Variants in CNTN5 observed in about 807,000 individuals in gnomAD.
CNTN5 encodes the protein contactin-5.
In CNTN5, 77 loss-of-function variants were observed where a neutral mutation model predicts 129.1. The observed-to-expected ratio is 0.60, with a 90% confidence interval of 0.50 to 0.72. The LOEUF (loss-of-function observed/expected upper bound fraction) is 0.72, where lower values mean the gene tolerates loss of function less well. Ranked by LOEUF, CNTN5 falls within the 30% of genes least tolerant of loss-of-function variation. The pLI is 0.00. For missense variants in CNTN5, 1,478 were observed against 1,328.8 expected (o/e 1.11, Z -1.75); for synonymous variants, 509 against 465.6 (o/e 1.09, Z -1.20).
chr11:99,238,785 T>C (rs116384697), intron 1 of CNTN5, among the ~76,000 whole-genome samples: 1 of 152,248 alleles, frequency 6.6e-6, no homozygotes, highest in African/African-American at 2.4e-5. Context: ...CAGATGAACT[T>C]TATGCAATTA....
chr11:99,779,212 A>G (rs1405859991), intron 3 of CNTN5, among the ~76,000 whole-genome samples: 1 of 151,958 alleles, frequency 6.6e-6, no homozygotes, highest in South Asian at 2.1e-4. Flanking sequence ...ATTTTTCTCT[A>G]CAAGTTTGTA....
Position 100,356,267 on chromosome 11 carries a change from C to T in CNTN5, c.*47C>T, listed in dbSNP as rs191897589. The T allele has an allele frequency of 8.7e-6, 11 of 1,264,748 alleles. No individual in the cohort carries two copies. The highest frequency in any genetic ancestry group is 4.9e-5 in the East Asian group (2 of 41,146). The allele number at this position is 1,264,748 out of a possible 1,614,324, so 78.3% of individuals were successfully genotyped here. On this transcript the variant is annotated 3_prime_UTR_variant, in exon 25 of 25. Transcript: ENST00000524871. ...TTTGTTTGCTTTAGCTTGGTAACAG[C>T]GGTGAATAGAGTGTAGTGTAAGTGG...
intron 1 of CNTN5, among the ~76,000 whole-genome samples, chr11:99,123,526 A>C (rs986281583): frequency 6.6e-6 from 1 of 151,958 alleles, no homozygotes; most frequent in Non-Finnish European, 1.5e-5. Flanking sequence ...GCTGTGCAGA[A>C]GCTCTTTAGT....
At chr11:99,397,486 T>C (rs534973407) in intron 2 of CNTN5, among the ~76,000 whole-genome samples, 51 of 151,948 alleles carry the variant, frequency 3.4e-4, no homozygotes, top group African/African-American at 1.2e-3. Context: ...AATTCTTTTG[T>C]ACAGATTTTT....
intron 2 of CNTN5, among the ~76,000 whole-genome samples, chr11:99,454,647 A>G (rs1686249350): frequency 6.6e-6 from 1 of 152,154 alleles, no homozygotes; most frequent in African/African-American, 2.4e-5. Flanking sequence ...ACTGTGAGTC[A>G]ATTAAACCTC....
intron 1 of CNTN5, among the ~76,000 whole-genome samples, chr11:99,158,844 A>G (rs766703042): frequency 2.0e-5 from 3 of 152,304 alleles, no homozygotes. Context: ...TTATATAAAA[A>G]TAATAAAAGT....
intron 4 of CNTN5, among the ~76,000 whole-genome samples, chr11:99,821,885 C>A (rs372663180): frequency 1.3e-5 from 2 of 152,130 alleles, no homozygotes; most frequent in Non-Finnish European, 2.9e-5. Flanking sequence ...CTCTGCTAAT[C>A]TAGTTTAATC....
chr11:99,819,654 A>C lies in CNTN5; in HGVS notation c.166A>C (p.Ser56Arg), dbSNP rs777315487. The C allele has an allele frequency of 2.5e-6, 4 of 1,613,014 alleles. No homozygotes were observed. In the South Asian group the frequency reaches 4.4e-5, roughly 18 times the overall value. Residue 56 changes from serine (S) to arginine (R), a missense_variant, in exon 4 of 25, where the codon AGC (serine) becomes CGC (arginine). Physicochemically the swap from Ser to Arg is moderately radical, Grantham distance 110 (BLOSUM62 -1). Coordinates refer to ENST00000524871, the MANE Select transcript of CNTN5 (RefSeq NM_014361.4). Reference protein sequence around the residue: ...FGSKTRPRYSSPSLGTLSASS... With the variant: ...FGSKTRPRYSRPSLGTLSASS... ...TTCCAAAACCAGACCACGATACAGCAGCCCTTCATTAGGAACACTGAGTGC... is the reference window on the plus strand; with the variant it reads ...TTCCAAAACCAGACCACGATACAGCCGCCCTTCATTAGGAACACTGAGTGC...
chr11:100,303,579 TC>T (rs1363454091), intron 20 of CNTN5, among the ~76,000 whole-genome samples: 1 of 151,480 alleles, frequency 6.6e-6, no homozygotes, highest in East Asian at 1.9e-4. Context: ...TTATCCTTTA[TC>T]CTTTATCCTT....
At chr11:99,444,591 A>G (rs1049953613) in intron 2 of CNTN5, among the ~76,000 whole-genome samples, 1 of 152,188 alleles carries the variant, frequency 6.6e-6, no homozygotes, top group African/African-American at 2.4e-5. Context: ...ACTTGCCAAC[A>G]TTACTTCAGA....
intron 15 of CNTN5, among the ~76,000 whole-genome samples, chr11:100,198,924 A>G (rs1232667275): frequency 6.6e-6 from 1 of 151,916 alleles, no homozygotes; most frequent in Non-Finnish European, 1.5e-5. Flanking sequence ...TTTTCTTATT[A>G]CAGACACTTC....
At chr11:100,226,083 T>C (rs1949369223) in intron 16 of CNTN5, among the ~76,000 whole-genome samples, 1 of 152,110 alleles carries the variant, frequency 6.6e-6, no homozygotes, top group Non-Finnish European at 1.5e-5. Flanking sequence ...ATCTAGCATG[T>C]ATATCTGTGT....
chr11:99,390,596 G>A lies in CNTN5; in HGVS notation c.-71+65112G>A, dbSNP rs147704185. 3.0e-3 allele frequency among the ~76,000 whole-genome samples: 459 copies of A among 152,022 alleles called. 1 individual carries two copies. The highest frequency in any genetic ancestry group is 0.024 in the Middle Eastern group (7 of 294). On this transcript the variant is annotated intron_variant, in intron 2 of 24. Coordinates refer to ENST00000524871, the MANE Select transcript of CNTN5 (RefSeq NM_014361.4). The stretch of plus-strand genomic sequence containing the variant: ...GAGCTCAGAATTTTTATCCATTTGC[G>A]TACAAACTAATGAAATATGAATAAT...
intron 6 of CNTN5, among the ~76,000 whole-genome samples, chr11:99,886,384 CA>C (rs1775327845): frequency 6.6e-6 from 1 of 151,962 alleles, no homozygotes; most frequent in Non-Finnish European, 1.5e-5. Flanking sequence ...ATAGTCAATG[CA>C]TATTAATAGG....
At chr11:99,277,826 C>T (rs942439771) in intron 1 of CNTN5, among the ~76,000 whole-genome samples, 5 of 151,482 alleles carry the variant, frequency 3.3e-5, no homozygotes, top group African/African-American at 4.8e-5. Flanking sequence ...AGATAAAAAG[C>T]GAAAAGTTGA....
At chr11:99,111,216 C>T (rs968749311) in intron 1 of CNTN5, among the ~76,000 whole-genome samples, 3 of 152,050 alleles carry the variant, frequency 2.0e-5, no homozygotes, top group African/African-American at 7.2e-5. Flanking sequence ...CTCTGTACAA[C>T]TGCACATGTT....
At chr11:100,093,080 A>G (rs75675125) in intron 13 of CNTN5, among the ~76,000 whole-genome samples, 8,579 of 152,060 alleles carry the variant, frequency 0.056, 318 homozygotes, top group Middle Eastern at 0.11. Context: ...TCAATGACCA[A>G]CTTTGAGTAT....
intron 13 of CNTN5, among the ~76,000 whole-genome samples, chr11:100,127,148 C>T (rs545517176): frequency 7.7e-5 from 11 of 143,578 alleles, no homozygotes; most frequent in Admixed American, 5.8e-4. Flanking sequence ...CCATGCTGCC[C>T]GAGCTGGTCT....
At chr11:100,061,178 A>C (rs1943459108) in intron 9 of CNTN5, 34 bp from the exon 10 acceptor site, 2 of 1,517,814 alleles carry the variant, frequency 1.3e-6, no homozygotes, top group East Asian at 2.3e-5. Flanking sequence ...AACAGTGGAG[A>C]GTGTATTAAC....
Sources: allele counts gnomAD v4.1 joint callset (sites outside exome capture counted in the v4.1 genomes callset), GRCh38; gene constraint gnomAD v4.1.1; transcripts MANE v1.5; gene names NCBI Gene and HGNC (gene_info 2026-07-23, HGNC 2026-07-21).